Variants in ST13 observed in about 807,000 individuals in gnomAD.
ST13 encodes the protein hsc70-interacting protein.
ST13 carries 23 observed loss-of-function variants against 56.7 expected under a neutral mutation model. The ratio of observed to expected loss-of-function variants is 0.41; its 90% CI spans 0.29 to 0.57. The LOEUF is 0.57. Ranked by LOEUF, ST13 falls within the 20% of genes least tolerant of loss-of-function variation. The pLI is 0.36. For missense variants in ST13, 369 were observed against 459.9 expected, an observed-to-expected ratio of 0.80 and a Z score of 1.81; for synonymous variants, 132 against 142.4, an observed-to-expected ratio of 0.93 and a Z score of 0.52.
intron 2 of ST13, among the ~76,000 whole-genome samples, chr22:40,848,600 G>A (rs1039416118): frequency 3.3e-5 from 5 of 152,060 alleles, no homozygotes; most frequent in Admixed American, 6.6e-5. Flanking sequence ...CAAATTAGCC[G>A]GACGTGGTGG....
rs35951111 is a variant in ST13 at position 40,828,448 on chromosome 22, C to CA, written c.847+1177dup. On this transcript the variant is annotated intron_variant, in intron 10 of 11. Transcript: ENST00000216218. ...TGAAACCCCGTCTCTACTAAAAATA[C>CA]AAAAAAAAAAAAAAATTAGCCGGGC... Among the ~76,000 whole-genome samples the CA allele has an allele frequency of 5.2e-4, 71 of 135,360 alleles. 1 individual carries two copies. Among genetic ancestry groups the CA allele is most frequent in the East Asian group, 4.4e-3 (19 of 4,290 alleles). 88.8% of individuals were successfully genotyped at this position (135,360 alleles called of 152,430 possible). A position where few individuals can be genotyped will look rare whatever the true frequency, so the allele number is the denominator to read the frequency against.
chr22:40,840,889 A>G (rs556966667), intron 4 of ST13, among the ~76,000 whole-genome samples, 197 bp from the exon 5 acceptor site: 16 of 152,180 alleles, frequency 1.1e-4, no homozygotes, highest in Non-Finnish European at 2.4e-4. Context: ...ATACTAAACA[A>G]ATTTCACTCC....
intron 9 of ST13, 47 bp downstream of exon 9, chr22:40,830,793 A>G (rs778313406): frequency 2.4e-6 from 3 of 1,272,498 alleles, no homozygotes; most frequent in Middle Eastern, 2.7e-4. Flanking sequence ...ATGCCTCTAC[A>G]TAATTTGCCG....
intron 3 of ST13, 128 bp from the exon 4 acceptor site, chr22:40,845,037 A>G (rs1196627180): frequency 4.8e-6 from 3 of 624,988 alleles, no homozygotes; most frequent in Non-Finnish European, 8.0e-6. Context: ...GCATTTTAAA[A>G]TATGTTCCCA....
intron 9 of ST13, among the ~76,000 whole-genome samples, chr22:40,830,633 G>A (rs1334483620): frequency 2.0e-5 from 3 of 152,110 alleles, no homozygotes; most frequent in South Asian, 2.1e-4. Context: ...ATAAAATGGT[G>A]AAATAAAAGC....
chr22:40,845,641 TATCTTG>T (rs2057827029), intron 3 of ST13, among the ~76,000 whole-genome samples: 1 of 152,098 alleles, frequency 6.6e-6, no homozygotes, highest in Non-Finnish European at 1.5e-5. Context: ...TGAAAAGCAG[TATCTTG>T]CTTTTCAAAT....
In ST13 at chr22:40,826,545, T is replaced by G; in HGVS notation, c.1103A>C (p.Gln368Pro). The stretch of plus-strand genomic sequence containing the variant: ...TTATTTATCAGAAGGACATTACGCT[T>G]GACCTCCAAATTTGGCTGACAATTT... ...ISKLSAKFGGQA is the reference protein window; with the variant it reads ...ISKLSAKFGGPA The change falls in exon 12 of 12, where the codon CAA (glutamine) becomes CCA (proline). Residue 368 changes from glutamine to proline, a missense_variant. Gln to Pro is a moderately conservative substitution (Grantham distance 76). Transcript: ENST00000216218. 2 of 1,598,208 alleles carry G rather than the reference T, an allele frequency of 1.3e-6. No homozygotes were observed. The highest frequency in any genetic ancestry group is 1.7e-6 in the Non-Finnish European group (2 of 1,179,734).
chr22:40,826,881 C>T (rs1283559217), intron 11 of ST13, among the ~76,000 whole-genome samples: 1 of 150,642 alleles, frequency 6.6e-6, no homozygotes, highest in Non-Finnish European at 1.5e-5. Context: ...AAAAGGACAA[C>T]TGGATATAAT....
chr22:40,839,287 C>T (rs1008847313), intron 5 of ST13, among the ~76,000 whole-genome samples: 1 of 152,136 alleles, frequency 6.6e-6, no homozygotes, highest in Non-Finnish European at 1.5e-5. Flanking sequence ...TAACTTCAAT[C>T]ATCTTCTAAA....
chr22:40,829,442 C>T (rs1396030210), intron 10 of ST13, among the ~76,000 whole-genome samples, 184 bp downstream of exon 10: 1 of 152,134 alleles, frequency 6.6e-6, no homozygotes, highest in African/African-American at 2.4e-5. Flanking sequence ...GCTATTTTTA[C>T]ACTGTACAAA....
intron 3 of ST13, among the ~76,000 whole-genome samples, chr22:40,847,903 C>G (rs905737079): frequency 6.6e-6 from 1 of 151,726 alleles, no homozygotes; most frequent in Non-Finnish European, 1.5e-5. Context: ...AAAAATTAGC[C>G]GAGTGTGGTG....
intron 4 of ST13, among the ~76,000 whole-genome samples, chr22:40,842,070 T>G (rs935716004): frequency 6.6e-6 from 1 of 152,102 alleles, no homozygotes; most frequent in Non-Finnish European, 1.5e-5. Context: ...AGTAGTGAGA[T>G]TAAAAGAACT....
At chr22:40,831,355 G>GA (rs1362612232) in intron 8 of ST13, among the ~76,000 whole-genome samples, 3 of 152,170 alleles carry the variant, frequency 2.0e-5, no homozygotes, top group Admixed American at 1.3e-4. Flanking sequence ...CAGAGACTGG[G>GA]AACTCATACC....
At chr22:40,827,871 C>T (rs982650761) in intron 10 of ST13, among the ~76,000 whole-genome samples, 1 of 152,038 alleles carries the variant, frequency 6.6e-6, no homozygotes. Context: ...AGTCATCTAA[C>T]AGTTCCTTAG....
chr22:40,852,643 G>C (rs1199086356), intron 1 of ST13, among the ~76,000 whole-genome samples: 1 of 152,166 alleles, frequency 6.6e-6, no homozygotes, highest in African/African-American at 2.4e-5. Flanking sequence ...AGAAGAAAAT[G>C]TTACACAGTA....
At chr22:40,835,385 TTTC>T (rs1430931114) in intron 7 of ST13, 172 bp downstream of exon 7, 1 of 479,908 alleles carries the variant, frequency 2.1e-6, no homozygotes. Context: ...TTCTTTTTTT[TTTC>T]TTTTACCTTT....
rs1022845768 is a variant in ST13, at chr22:40,848,428, C to G, written c.169-59G>C. On this transcript the variant is annotated intron_variant, in intron 2 of 11. Coordinates refer to ENST00000216218, the MANE Select transcript of ST13 (RefSeq NM_003932.5). ...TTTAATAACATACCGAATATTTATA[C>G]TAATTTCTACAAATCTATGTATAAA... 3 of 1,155,782 alleles carry G rather than the reference C, an allele frequency of 2.6e-6. No homozygotes were observed. In the African/African-American group the frequency reaches 4.6e-5, roughly 18 times the overall value. 71.6% of individuals were successfully genotyped at this position (1,155,782 alleles called of 1,614,324 possible). A position where few individuals can be genotyped will look rare whatever the true frequency, so the allele number is the denominator to read the frequency against.
At chr22:40,849,743 T>C (rs973204281) in intron 2 of ST13, among the ~76,000 whole-genome samples, 1 of 152,042 alleles carries the variant, frequency 6.6e-6, no homozygotes, top group African/African-American at 2.4e-5. Flanking sequence ...TAAATGGTCC[T>C]TTTAAAAAAA....
At chr22:40,838,327 C>T (rs78782587) in intron 5 of ST13, among the ~76,000 whole-genome samples, 1,853 of 152,282 alleles carry the variant, frequency 0.012, 34 homozygotes, top group African/African-American at 0.042. Context: ...ATACACTATA[C>T]AATTGCATAA....
Sources: gnomAD v4.1 joint callset for allele counts (sites outside exome capture counted in the v4.1 genomes callset) on GRCh38, gnomAD v4.1.1 for gene constraint, MANE v1.5 for transcripts, NCBI Gene and HGNC (gene_info 2026-07-23, HGNC 2026-07-21) for gene names.